CRACDL: variants seen among roughly 807,000 people sequenced by gnomAD.
CRACDL encodes the protein CRACD-like protein.
A neutral mutation model predicts 70.6 loss-of-function variants in CRACDL; 26 were observed. That is an observed-to-expected ratio of 0.37 (90% CI 0.27 to 0.51). CRACDL has a LOEUF of 0.51. Among genes scored for constraint, CRACDL ranks in the 20% least tolerant of loss-of-function variants. The pLI, the probability that CRACDL is intolerant of heterozygous loss-of-function variation, is 0.94. For missense variants in CRACDL, 1,283 were observed against 1,376.9 expected (o/e 0.93, Z 1.08); for synonymous variants, 618 against 615.2 (o/e 1.00, Z -0.07).
At chr2:98,843,776 T>C (rs1337798969) in intron 2 of CRACDL, among the ~76,000 whole-genome samples, 1 of 152,226 alleles carries the variant, frequency 6.6e-6, no homozygotes, top group Non-Finnish European at 1.5e-5. Flanking sequence ...TTATAGTAAG[T>C]CTTAAAAACA....
At chr2:98,910,431 G>A (rs528096434) in intron 1 of CRACDL, among the ~76,000 whole-genome samples, 1 of 152,094 alleles carries the variant, frequency 6.6e-6, no homozygotes, top group South Asian at 2.1e-4. Context: ...TGAAGCAGGA[G>A]AATCACTTGA....
At chr2:98,856,058 C>T (rs1706686085) in intron 1 of CRACDL, among the ~76,000 whole-genome samples, 1 of 152,070 alleles carries the variant, frequency 6.6e-6, no homozygotes, top group South Asian at 2.1e-4. Context: ...AAATGATTCT[C>T]TGAAATAATA....
chr2:98,898,365 T>A (rs1481327370), intron 1 of CRACDL, among the ~76,000 whole-genome samples: 2 of 152,188 alleles, frequency 1.3e-5, no homozygotes, highest in Non-Finnish European at 2.9e-5. Flanking sequence ...AGTAAAAGCA[T>A]CAAAGCATGG....
intron 7 of CRACDL, among the ~76,000 whole-genome samples, chr2:98,816,545 C>A (rs1207127850): frequency 1.3e-5 from 2 of 152,166 alleles, no homozygotes; most frequent in East Asian, 1.9e-4. Context: ...CAAGTCAGGG[C>A]TGCTCATCAG....
At chr2:98,890,499 C>A (rs1404369113) in intron 1 of CRACDL, among the ~76,000 whole-genome samples, 1 of 152,152 alleles carries the variant, frequency 6.6e-6, no homozygotes, top group Non-Finnish European at 1.5e-5. Context: ...TGAATTAAGA[C>A]TTTTAAAACT....
intron 2 of CRACDL, among the ~76,000 whole-genome samples, chr2:98,843,087 C>A (rs762695385): frequency 6.6e-5 from 10 of 152,062 alleles, no homozygotes. Context: ...TTTCTCCAGA[C>A]GTTTAATACG....
rs183851948 is a variant in CRACDL at position 98,872,186 on chromosome 2, C to A, written c.-10-25376G>T. On this transcript the variant is annotated intron_variant, in intron 1 of 9. Coordinates refer to ENST00000397899, the MANE Select transcript of CRACDL (RefSeq NM_207362.3). ...AGTTCAAGACCAGCCTGGCCAACAC[C>A]GTCTCCACTAAAAATACAAAAATTA... Among the ~76,000 whole-genome samples, 5 of 152,126 alleles carry A rather than the reference C, an allele frequency of 3.3e-5. No individual in the cohort carries two copies. In the East Asian group the frequency reaches 7.7e-4, roughly 24 times the overall value.
intron 1 of CRACDL, among the ~76,000 whole-genome samples, chr2:98,932,588 G>A (rs926062886): frequency 1.3e-5 from 2 of 152,130 alleles, no homozygotes; most frequent in Admixed American, 6.5e-5. Context: ...ACAGTGGGCC[G>A]GGCTGTGTAC....
At chr2:98,871,658 G>C (rs536469946) in intron 1 of CRACDL, among the ~76,000 whole-genome samples, 1 of 152,316 alleles carries the variant, frequency 6.6e-6, no homozygotes, top group South Asian at 2.1e-4. Flanking sequence ...CACTTCTGGG[G>C]AATTTGTCCT....
Position 98,832,375 on chromosome 2 carries a change from G to T in CRACDL, c.513C>A (p.His171Gln), listed in dbSNP as rs528403100. ...TTATGGTGGTACCAGGACCCACGTCGTGCAGCAGAGACATCTCTGGGGGGC... is the reference window on the plus strand; with the variant it reads ...TTATGGTGGTACCAGGACCCACGTCTTGCAGCAGAGACATCTCTGGGGGGC... ...PRSPPEMSLLHDVGPGTTIKV... is the reference protein window; with the variant it reads ...PRSPPEMSLLQDVGPGTTIKV... The change falls in exon 5 of 10, where the codon CAC (histidine) becomes CAA (glutamine). Residue 171 changes from histidine (H) to glutamine (Q), a missense_variant. By Grantham distance (24) the His-to-Gln change is conservative. Coordinates refer to ENST00000397899, the MANE Select transcript of CRACDL (RefSeq NM_207362.3). 1 of 1,614,196 alleles carries T rather than the reference G, an allele frequency of 6.2e-7. No individual in the cohort carries two copies. Among genetic ancestry groups the T allele is most frequent in the Non-Finnish European group, 8.5e-7 (1 of 1,180,036 alleles).
Position 98,822,959 on chromosome 2 carries a change from T to C in CRACDL, c.1314A>G (p.Glu438=). 5 of 1,465,538 alleles carry C rather than the reference T, an allele frequency of 3.4e-6. No homozygotes were observed. The highest frequency in any genetic ancestry group is 4.5e-6 in the Non-Finnish European group (5 of 1,112,604). The allele number at this position is 1,465,538 out of a possible 1,614,324, so 90.8% of individuals were successfully genotyped here. Residue 438 remains glutamate, a synonymous_variant, in exon 7 of 10, where the codon GAA becomes GAG. Transcript: ENST00000397899. This position sits in a 1 kb window ranked among gnomAD's most constrained non-coding sequence, Gnocchi z 4.9. The part of the protein sequence containing the change: ...RDGPERSVPK[E]AEPTPPVLPD... ...GGAGCACGGGCGGCGTCGGCTCCGC[T>C]TCCTTCGGGACACTGCGTTCTGGCC...
chr2:98,891,641 T>C (rs574838244), intron 1 of CRACDL, among the ~76,000 whole-genome samples: 1 of 152,298 alleles, frequency 6.6e-6, no homozygotes, highest in East Asian at 1.9e-4. Context: ...CTGGATATTT[T>C]TTTTCTTTCT....
At chr2:98,881,804 C>T (rs919647003) in intron 1 of CRACDL, among the ~76,000 whole-genome samples, 2 of 152,112 alleles carry the variant, frequency 1.3e-5, no homozygotes, top group Non-Finnish European at 1.5e-5. Context: ...AGCATCATGG[C>T]GGGGAGAGGA....
rs535482692 is a variant in CRACDL at position 98,806,526 on chromosome 2, G to A, written c.2417-8989C>T. ...CCGGGGAGCCAGGGCCGGGCTCAAC[G>A]GCACAGAGTTGTCAGTGGAGGAGCT... On this transcript the variant is annotated intron_variant, in intron 7 of 9. Transcript: ENST00000397899. 1.5e-4 allele frequency among the ~76,000 whole-genome samples: 23 copies of A among 151,702 alleles called. No individual in the cohort carries two copies. The East Asian group carries it at 2.9e-3, about 19-fold the overall frequency.
chr2:98,891,419 G>C (rs1053756218), intron 1 of CRACDL, among the ~76,000 whole-genome samples: 1 of 128,714 alleles, frequency 7.8e-6, no homozygotes, highest in African/African-American at 3.2e-5. Flanking sequence ...AAACTTTGGA[G>C]CTTTTTGGGT....
intron 7 of CRACDL, among the ~76,000 whole-genome samples, chr2:98,812,315 C>A (rs931739392): frequency 6.6e-6 from 1 of 152,228 alleles, no homozygotes. Context: ...TAGACATGAA[C>A]GTATGACTTT....
chr2:98,864,257 C>T (rs530506962), intron 1 of CRACDL, among the ~76,000 whole-genome samples: 2 of 152,228 alleles, frequency 1.3e-5, no homozygotes, highest in South Asian at 2.1e-4. Context: ...ATATATGCTA[C>T]AATCTGGATG....
At chr2:98,836,926 CA>C (rs751156832) in intron 3 of CRACDL, among the ~76,000 whole-genome samples, 1 of 151,572 alleles carries the variant, frequency 6.6e-6, no homozygotes, top group African/African-American at 2.4e-5. Context: ...GCTGAAAATA[CA>C]AAAAAAATTT....
chr2:98,935,903 C>G (rs1224679199), intron 1 of CRACDL, 35 bp downstream of exon 1: 1 of 152,164 alleles, frequency 6.6e-6, no homozygotes, highest in African/African-American at 2.4e-5. Context: ...CCCACGCCTG[C>G]CTTGGGACAC....
Sources: allele counts gnomAD v4.1 joint callset (sites outside exome capture counted in the v4.1 genomes callset), GRCh38; gene constraint gnomAD v4.1.1; non-coding constraint Gnocchi (gnomAD v3.1); transcripts MANE v1.5; gene names NCBI Gene and HGNC (gene_info 2026-07-23, HGNC 2026-07-21).